Variants in SAG observed in about 807,000 individuals in gnomAD.
The protein encoded by SAG is S-antigen visual arrestin.
SAG carries 45 observed loss-of-function variants against 55.0 expected under a neutral mutation model. The observed-to-expected ratio is 0.82, with a 90% confidence interval of 0.64 to 1.05. The LOEUF is 1.05. Ranked by LOEUF, SAG falls within the 50% of genes least tolerant of loss-of-function variation. SAG has a pLI of 0.00. For synonymous variants in SAG, 189 were observed against 197.4 expected (o/e 0.96, Z 0.36); for missense variants, 455 against 512.1 (o/e 0.89, Z 1.08).
At chr2:233,337,260 A>G (rs1427505665) in intron 11 of SAG, among the ~76,000 whole-genome samples, 3 of 150,864 alleles carry the variant, frequency 2.0e-5, no homozygotes, top group African/African-American at 7.3e-5. Context: ...TTTTTTTGAG[A>G]TAAGGTCTCA....
intron 3 of SAG, among the ~76,000 whole-genome samples, chr2:233,317,323 A>AT (rs778746339): frequency 3.9e-5 from 6 of 152,340 alleles, no homozygotes; most frequent in Non-Finnish European, 7.3e-5. Context: ...AAGAACCAAA[A>AT]TGTTTCTCAG....
Position 233,335,069 on chromosome 2 carries a change from A to G in SAG, c.914A>G (p.His305Arg). Residue 305 changes from histidine to arginine, a missense_variant, in exon 11 of 16, where the codon CAC (histidine) becomes CGC (arginine). Coordinates refer to ENST00000409110, the MANE Select transcript of SAG (RefSeq NM_000541.5). Reference protein sequence around the residue: ...RGIALDGKIKHEDTNLASSTI... With the variant: ...RGIALDGKIKREDTNLASSTI... ...ATTGCCCTGGATGGGAAAATCAAGC[A>G]CGAGGACACAAACCTTGCCTCCAGC... 2 of 1,613,924 alleles carry G rather than the reference A, an allele frequency of 1.2e-6. No homozygotes were observed. The highest frequency in any genetic ancestry group is 1.7e-6 in the Non-Finnish European group (2 of 1,179,820).
At position 233,320,802 on chromosome 2, in the gene SAG, C is replaced by T. The variant is rs1374558950; in HGVS notation, c.354C>T (p.Asn118=). The change falls in exon 5 of 16, where the codon AAC becomes AAT. Residue 118 remains asparagine (N), a synonymous_variant. Transcript: ENST00000409110. ...GCCTGCTTAAAAAGCTGGGGAGCAA[C>T]ACGTACCCCTTTCTCCTGACGGTGG... ...QESLLKKLGS[N]TYPFLLTFPD... 1.9e-6 allele frequency: 3 copies of T among 1,599,336 alleles called. No individual in the cohort carries two copies. Among genetic ancestry groups the T allele is most frequent in the Non-Finnish European group, 2.6e-6 (3 of 1,173,060 alleles).
chr2:233,311,185 G>C (rs1268876562), intron 2 of SAG, among the ~76,000 whole-genome samples: 1 of 152,108 alleles, frequency 6.6e-6, no homozygotes, highest in Non-Finnish European at 1.5e-5. Context: ...CGATGTCTGT[G>C]TGGCCCCAGG....
rs772419866 is a variant in SAG, at chr2:233,328,596, G to A, written c.631G>A (p.Val211Ile). ...FMSDKPLHLAVSLNKEIYFHG... is the reference protein window; with the variant it reads ...FMSDKPLHLAISLNKEIYFHG... ...GTCTGACAAGCCCCTGCACCTTGCG[G>A]TCTCTCTCAACAAAGAGGTAACCAC... Residue 211 changes from valine (V) to isoleucine (I), a missense_variant, in exon 8 of 16, where the codon GTC (valine) becomes ATC (isoleucine). Val to Ile is a conservative substitution (Grantham distance 29). Coordinates refer to ENST00000409110, the MANE Select transcript of SAG (RefSeq NM_000541.5). 6.2e-7 allele frequency: 1 copy of A among 1,612,508 alleles called. No individual in the cohort carries two copies. The highest frequency in any genetic ancestry group is 1.3e-5 in the African/African-American group (1 of 75,018).
At chr2:233,328,800 C>G (rs546117257) in intron 8 of SAG, 187 bp downstream of exon 8, 5 of 604,990 alleles carry the variant, frequency 8.3e-6, no homozygotes, top group Non-Finnish European at 1.4e-5. Flanking sequence ...TCAGCATGGT[C>G]CTTAGAGGAG....
chr2:233,331,734 C>T (rs778525766), intron 10 of SAG, 22 bp downstream of exon 10: 18 of 1,579,886 alleles, frequency 1.1e-5, no homozygotes, highest in South Asian at 6.7e-5. Context: ...TTGGGGTTTC[C>T]GTTTCCTGGG....
chr2:233,320,632 T>C lies in SAG; in HGVS notation c.184T>C (p.Tyr62His), dbSNP rs781077912. 2 of 1,590,712 alleles carry C rather than the reference T, an allele frequency of 1.3e-6. No individual in the cohort carries two copies. Among genetic ancestry groups the C allele is most frequent in the East Asian group, 4.6e-5 (2 of 43,760 alleles). ...DPDLVKGKKVYVTLTCAFRYG... is the reference protein window; with the variant it reads ...DPDLVKGKKVHVTLTCAFRYG... ...CCCTGCCTTCATCTCCCTTGCAGTGTATGTCACTCTGACCTGCGCCTTCCG... is the reference window on the plus strand; with the variant it reads ...CCCTGCCTTCATCTCCCTTGCAGTGCATGTCACTCTGACCTGCGCCTTCCG... Residue 62 changes from tyrosine to histidine, a missense_variant and splice_region_variant, in exon 5 of 16, where the codon TAT becomes CAT. Coordinates refer to ENST00000409110, the MANE Select transcript of SAG (RefSeq NM_000541.5).
chr2:233,313,197 C>T (rs558021673), intron 2 of SAG, among the ~76,000 whole-genome samples: 19 of 152,180 alleles, frequency 1.2e-4, no homozygotes, highest in African/African-American at 2.2e-4. Flanking sequence ...AGATGGGGAC[C>T]GTGAGGTGTC....
intron 4 of SAG, 58 bp from the exon 5 acceptor site, chr2:233,320,572 G>T (rs1700347658): frequency 7.3e-7 from 1 of 1,367,460 alleles, no homozygotes; most frequent in Non-Finnish European, 1.0e-6. Context: ...CATTCCGTCA[G>T]TGGTGGTGGG....
chr2:233,338,816 C>A, intron 12 of SAG, 63 bp downstream of exon 12: 1 of 1,368,014 alleles, frequency 7.3e-7, no homozygotes, highest in Non-Finnish European at 1.0e-6. Flanking sequence ...CTGAACTTTT[C>A]CTTTCCTGAA....
rs2304773 is a variant in SAG at position 233,327,174 on chromosome 2, C to T, written c.489C>T (p.Ala163=). 0.1 allele frequency: 166,408 copies of T among 1,612,658 alleles called. 9,525 individuals carry two copies. Among genetic ancestry groups the T allele is most frequent in the African/African-American group, 0.19 (14,456 of 74,838 alleles). ...VKAFATDSTD[A]EEDKIPKKSS... ...CATTCGCCACAGACAGCACCGATGC[C>T]GAAGAGGACAAAATCCCCAAGAAGT... Residue 163 remains alanine, a synonymous_variant, in exon 7 of 16, where the codon GCC becomes GCT. Coordinates refer to ENST00000409110, the MANE Select transcript of SAG (RefSeq NM_000541.5).
chr2:233,332,687 G>A (rs945156134), intron 10 of SAG: 26 of 140,152 alleles, frequency 1.9e-4, no homozygotes, highest in African/African-American at 6.5e-4. Flanking sequence ...TTGAGACGGA[G>A]TTTTGCTCTT....
intron 4 of SAG, 30 bp from the exon 5 acceptor site, chr2:233,320,600 A>C: frequency 6.5e-7 from 1 of 1,536,754 alleles, no homozygotes; most frequent in Non-Finnish European, 8.7e-7. Flanking sequence ...CCGAGGGCCA[A>C]GTCCGACCCT....
chr2:233,328,245 G>A, intron 7 of SAG: 1 of 457,098 alleles, frequency 2.2e-6, no homozygotes, highest in Non-Finnish European at 3.9e-6. Context: ...TCGGGATGTT[G>A]CCTGGCCCCA....
rs924098569 is a variant in SAG, at chr2:233,322,209, A to T, written c.376-737A>T. ...TCAAAAAAAAAAAAAAAAAAAAAAA[A>T]GTGCTTCTCTTTCTAGCAGTTCAGC... is the stretch of plus-strand genomic sequence containing the variant. On this transcript the variant is annotated intron_variant, in intron 5 of 15. Coordinates refer to ENST00000409110, the MANE Select transcript of SAG (RefSeq NM_000541.5). 3.4e-5 allele frequency among the ~76,000 whole-genome samples: 5 copies of T among 146,430 alleles called. No individual in the cohort carries two copies. The Admixed American group carries it at 3.4e-4, about 10-fold the overall frequency.
At chr2:233,326,362 G>A (rs777209636) in intron 6 of SAG, among the ~76,000 whole-genome samples, 3 of 152,196 alleles carry the variant, frequency 2.0e-5, no homozygotes, top group Admixed American at 6.5e-5. Flanking sequence ...CAAGGCAGGC[G>A]GATCATGAGG....
chr2:233,330,439 C>T (rs899174323), intron 9 of SAG, among the ~76,000 whole-genome samples: 4 of 152,074 alleles, frequency 2.6e-5, no homozygotes, highest in Admixed American at 1.3e-4. Flanking sequence ...AATCCTGATG[C>T]GTGCAGACTA....
chr2:233,329,654 T>C (rs1367728162), intron 9 of SAG, 77 bp downstream of exon 9: 5 of 1,004,798 alleles, frequency 5.0e-6, no homozygotes, highest in Non-Finnish European at 7.7e-6. Context: ...GTCACTTCTC[T>C]GGTCTGATAA....
Sources: gnomAD v4.1 joint callset for allele counts (sites outside exome capture counted in the v4.1 genomes callset) on GRCh38, gnomAD v4.1.1 for gene constraint, MANE v1.5 for transcripts, NCBI Gene and HGNC (gene_info 2026-07-23, HGNC 2026-07-21) for gene names.